B4GALT1: variants seen among roughly 807,000 people sequenced by gnomAD.
The protein encoded by B4GALT1 is beta-1,4-galactosyltransferase 1.
A neutral mutation model predicts 34.9 loss-of-function variants in B4GALT1; 16 were observed. That is an observed-to-expected ratio of 0.46 (90% CI 0.31 to 0.70). The LOEUF (loss-of-function observed/expected upper bound fraction) is 0.70, where lower values mean the gene tolerates loss of function less well. Among genes scored for constraint, B4GALT1 ranks in the 30% least tolerant of loss-of-function variants. B4GALT1 has a pLI of 0.05. For synonymous variants in B4GALT1, 221 were observed against 218.1 expected (o/e 1.01, Z -0.12); for missense variants, 445 against 530.5 (o/e 0.84, Z 1.58).
At chr9:33,116,261 C>G in intron 3 of B4GALT1, 148 bp from the exon 4 acceptor site, 1 of 1,086,736 alleles carries the variant, frequency 9.2e-7, no homozygotes, top group Non-Finnish European at 1.3e-6. Context: ...GAGACGTAGT[C>G]TTGCTCTGTT....
At chr9:33,152,243 G>T (rs1840527228) in intron 1 of B4GALT1, among the ~76,000 whole-genome samples, 1 of 151,990 alleles carries the variant, frequency 6.6e-6, no homozygotes, top group Non-Finnish European at 1.5e-5. Flanking sequence ...GGCAGAGGTT[G>T]CAGTGAGCCG....
At chr9:33,143,866 C>A (rs1587742159) in intron 1 of B4GALT1, among the ~76,000 whole-genome samples, 1 of 150,342 alleles carries the variant, frequency 6.7e-6, no homozygotes, top group African/African-American at 2.5e-5. Flanking sequence ...ACGTTGGGAC[C>A]CATGGTTTGA....
At chr9:33,125,198 G>A (rs1840073797) in intron 2 of B4GALT1, among the ~76,000 whole-genome samples, 1 of 152,216 alleles carries the variant, frequency 6.6e-6, no homozygotes, top group Non-Finnish European at 1.5e-5. Context: ...ATAGACTCTG[G>A]AGGCGGTGCT....
At chr9:33,176,454 C>A in the B4GALT1 span, among the ~76,000 whole-genome samples, 1 of 152,114 alleles carries the variant, frequency 6.6e-6, no homozygotes, top group Non-Finnish European at 1.5e-5. Flanking sequence ...CTTAGAAGCA[C>A]TTTAGTCTAC....
At chr9:33,116,950 C>G (rs1839948797) in intron 3 of B4GALT1, among the ~76,000 whole-genome samples, 1 of 152,214 alleles carries the variant, frequency 6.6e-6, no homozygotes, top group Admixed American at 6.5e-5. Flanking sequence ...TATGATCTTC[C>G]TCTTTCTACA....
chr9:33,126,433 T>C (rs530104492), intron 2 of B4GALT1, among the ~76,000 whole-genome samples: 3 of 152,196 alleles, frequency 2.0e-5, no homozygotes, highest in African/African-American at 4.8e-5. Flanking sequence ...GGCTCTAGTT[T>C]TGCTTTTGTT....
intron 1 of B4GALT1, among the ~76,000 whole-genome samples, chr9:33,143,650 T>G (rs1840384636): frequency 6.6e-6 from 1 of 152,260 alleles, no homozygotes; most frequent in South Asian, 2.1e-4. Flanking sequence ...ACTGCAATTT[T>G]GATGCAATTC....
chr9:33,130,879 A>G (rs11793020), intron 2 of B4GALT1, among the ~76,000 whole-genome samples: 66,862 of 151,830 alleles, frequency 0.44, 16,623 homozygotes, highest in South Asian at 0.57. Flanking sequence ...TCACCACCAC[A>G]GAAGCAGGCA....
chr9:33,166,552 G>A (rs1840757248), intron 1 of B4GALT1, among the ~76,000 whole-genome samples: 1 of 152,180 alleles, frequency 6.6e-6, no homozygotes. Flanking sequence ...CCGGCCCCAC[G>A]CCTCCAACAG....
rs915468428 is a variant in B4GALT1 at position 33,112,617 on chromosome 9, G to A, written c.*837C>T. Reference sequence around the variant, plus strand: ...TACATAGGAAATTCAAGTTTACATAGCATGCCAAGAAAAATAAATTGTCAT... The same window carrying A: ...TACATAGGAAATTCAAGTTTACATAACATGCCAAGAAAAATAAATTGTCAT... On this transcript the variant is annotated 3_prime_UTR_variant, in exon 6 of 6. Coordinates refer to ENST00000379731, the MANE Select transcript of B4GALT1 (RefSeq NM_001497.4). 6.6e-6 allele frequency: 1 copy of A among 152,556 alleles called. No individual in the cohort carries two copies. Among genetic ancestry groups the A allele is most frequent in the Non-Finnish European group, 1.5e-5 (1 of 68,024 alleles). 9.5% of individuals were successfully genotyped at this position (152,556 alleles called of 1,614,324 possible).
upstream of B4GALT1, among the ~76,000 whole-genome samples, chr9:33,170,516 A>G (rs142718981): frequency 1.5e-4 from 23 of 152,284 alleles, no homozygotes; most frequent in African/African-American, 5.3e-4. Context: ...TGTGTCTTCC[A>G]TTGGTATAGA....
intron 1 of B4GALT1, among the ~76,000 whole-genome samples, chr9:33,146,637 G>C (rs1358014541): frequency 6.6e-6 from 1 of 152,066 alleles, no homozygotes; most frequent in Non-Finnish European, 1.5e-5. Flanking sequence ...CCATTTGTTA[G>C]AAGAGATTTA....
rs148494272 is a variant in B4GALT1, at chr9:33,163,558, C to G, written c.412+3200G>C. Among the ~76,000 whole-genome samples, 3 of 152,340 alleles carry G rather than the reference C, an allele frequency of 2.0e-5. No homozygotes were observed. In the East Asian group the frequency reaches 5.8e-4, roughly 29 times the overall value. ...CCTGCCTCTCTCACCAGTTCAGCTT[C>G]AGGTACTGCCCACCTCCCCCCATCA... On this transcript the variant is annotated intron_variant, in intron 1 of 5. Coordinates refer to ENST00000379731, the MANE Select transcript of B4GALT1 (RefSeq NM_001497.4).
chr9:33,180,519 TACCA>T, the B4GALT1 span, among the ~76,000 whole-genome samples: 17 of 152,228 alleles, frequency 1.1e-4, no homozygotes, highest in African/African-American at 4.1e-4. Flanking sequence ...AAAGTCCATG[TACCA>T]ACCAGAGTTT....
At chr9:33,140,186 C>A (rs1840328026) in intron 1 of B4GALT1, among the ~76,000 whole-genome samples, 1 of 152,214 alleles carries the variant, frequency 6.6e-6, no homozygotes, top group Non-Finnish European at 1.5e-5. Flanking sequence ...GGCTGAAGCA[C>A]TAGTTCAATC....
At chr9:33,165,640 C>T (rs1840739618) in intron 1 of B4GALT1, among the ~76,000 whole-genome samples, 1 of 152,206 alleles carries the variant, frequency 6.6e-6, no homozygotes, top group South Asian at 2.1e-4. Flanking sequence ...TGACAGAAAA[C>T]TCCTATTGGC....
At chr9:33,166,226 A>T (rs1463391134) in intron 1 of B4GALT1, among the ~76,000 whole-genome samples, 1 of 152,204 alleles carries the variant, frequency 6.6e-6, no homozygotes, top group East Asian at 1.9e-4. Flanking sequence ...TTATTATCCC[A>T]GAAGAGAAAT....
intron 1 of B4GALT1, among the ~76,000 whole-genome samples, chr9:33,140,297 A>G (rs1173207407): frequency 1.3e-5 from 2 of 152,218 alleles, no homozygotes; most frequent in African/African-American, 2.4e-5. Flanking sequence ...TATTGTGACA[A>G]TGTTTCACTA....
In B4GALT1 at chr9:33,167,214, G is replaced by A. The variant is rs1564056401; in HGVS notation, c.-45C>T. ...GAAGGGTGTGGGCTACAGGAGGGGA[G>A]GCGACCCGCCCGCGGGCCGCCCGCC... On this transcript the variant is annotated 5_prime_UTR_variant, in exon 1 of 6. Transcript: ENST00000379731. 1.3e-6 allele frequency: 2 copies of A among 1,503,420 alleles called. No homozygotes were observed. The highest frequency in any genetic ancestry group is 1.8e-6 in the Non-Finnish European group (2 of 1,132,772). 93.1% of individuals were successfully genotyped at this position (1,503,420 alleles called of 1,614,324 possible).
Sources: gnomAD v4.1 joint callset for allele counts (sites outside exome capture counted in the v4.1 genomes callset) on GRCh38, gnomAD v4.1.1 for gene constraint, MANE v1.5 for transcripts, NCBI Gene and HGNC (gene_info 2026-07-23, HGNC 2026-07-21) for gene names.